The following ZFAT variants were observed in gnomAD, a reference collection of about 807,000 sequenced individuals.
ZFAT encodes zinc finger protein ZFAT.
In ZFAT, 64 loss-of-function variants were observed where a neutral mutation model predicts 117.7. The observed-to-expected ratio is 0.54, with a 90% confidence interval of 0.44 to 0.67. The LOEUF (loss-of-function observed/expected upper bound fraction) is 0.67. ZFAT is among the 30% of genes least tolerant of loss of function. ZFAT has a pLI of 0.00. For missense variants in ZFAT, 1,433 were observed against 1,584.5 expected (o/e 0.90, Z 1.62); for synonymous variants, 679 against 615.0 (o/e 1.10, Z -1.54).
intron 13 of ZFAT, among the ~76,000 whole-genome samples, chr8:134,518,490 G>T (rs13256684): frequency 0.17 from 25,617 of 151,890 alleles, 2,310 homozygotes; most frequent in Non-Finnish European, 0.19. Flanking sequence ...TTCCATCCAG[G>T]GCTAATTTTA....
At chr8:134,576,493 G>A (rs142734322) in intron 10 of ZFAT, among the ~76,000 whole-genome samples, 196 of 152,250 alleles carry the variant, frequency 1.3e-3, no homozygotes, top group Middle Eastern at 6.8e-3. Context: ...AGGAACAAAA[G>A]GGAAAAGGAT....
chr8:134,707,230 C>G (rs1360764448), intron 1 of ZFAT, among the ~76,000 whole-genome samples: 1 of 152,166 alleles, frequency 6.6e-6, no homozygotes, highest in Non-Finnish European at 1.5e-5. Context: ...TAGATGCACC[C>G]CCTCTGAAAC....
At chr8:134,631,544 T>C (rs1460202177) in intron 3 of ZFAT, among the ~76,000 whole-genome samples, 1 of 152,220 alleles carries the variant, frequency 6.6e-6, no homozygotes, top group African/African-American at 2.4e-5. Context: ...AGGGGAGTTC[T>C]TTAAGCCAAC....
At chr8:134,633,464 A>T (rs1271328483) in intron 3 of ZFAT, among the ~76,000 whole-genome samples, 2 of 152,256 alleles carry the variant, frequency 1.3e-5, no homozygotes, top group African/African-American at 4.8e-5. Context: ...GTGCTTTTTG[A>T]TCAGAGAGAA....
rs549820280 is a variant in ZFAT at position 134,657,108 on chromosome 8, A to T, written c.196+453T>A. ...GTTAGAACAACAGCTTCCTTTTATC[A>T]TGTTCTGTGTGCCAGGCATCATCTT... is the stretch of plus-strand genomic sequence containing the variant. On this transcript the variant is annotated intron_variant, in intron 2 of 15. Coordinates refer to ENST00000377838, the MANE Select transcript of ZFAT (RefSeq NM_020863.4). Among the ~76,000 whole-genome samples the T allele has an allele frequency of 2.3e-3, 352 of 152,262 alleles. 1 individual carries two copies. The highest frequency in any genetic ancestry group is 8.2e-3 in the African/African-American group (341 of 41,540).
the ZFAT span, among the ~76,000 whole-genome samples, chr8:134,762,436 C>T: frequency 6.6e-6 from 1 of 152,216 alleles, no homozygotes; most frequent in African/African-American, 2.4e-5. Flanking sequence ...CCTTAGCCTA[C>T]CTTTCAGGAG....
chr8:134,778,398 T>C, the ZFAT span, among the ~76,000 whole-genome samples: 1 of 152,220 alleles, frequency 6.6e-6, no homozygotes, highest in Non-Finnish European at 1.5e-5. Context: ...GCCGGCTATA[T>C]GAAGAGAATT....
At chr8:134,514,837 T>G (rs1214172459) in intron 13 of ZFAT, among the ~76,000 whole-genome samples, 1 of 152,206 alleles carries the variant, frequency 6.6e-6, no homozygotes, top group Non-Finnish European at 1.5e-5. Flanking sequence ...TACTCTAAGT[T>G]CTGGGGTACA....
At chr8:134,570,052 T>A (rs113182378) in intron 10 of ZFAT, among the ~76,000 whole-genome samples, 3,461 of 152,060 alleles carry the variant, frequency 0.023, 151 homozygotes, top group African/African-American at 0.079. Context: ...CCCTGTCACC[T>A]CTCAGAGCTC....
At chr8:134,721,588 C>T in the ZFAT span, among the ~76,000 whole-genome samples, 1,786 of 152,306 alleles carry the variant, frequency 0.012, 18 homozygotes, top group Middle Eastern at 0.054. Flanking sequence ...CTTCTTACAA[C>T]TCTGAGCCTC....
chr8:134,825,890 G>A, the ZFAT span, among the ~76,000 whole-genome samples: 3 of 151,916 alleles, frequency 2.0e-5, no homozygotes, highest in Admixed American at 6.6e-5. Flanking sequence ...GCGTGGTGGC[G>A]GGCGCCTGTA....
intron 11 of ZFAT, among the ~76,000 whole-genome samples, chr8:134,551,945 G>C (rs1016459508): frequency 6.6e-6 from 1 of 152,184 alleles, no homozygotes; most frequent in Non-Finnish European, 1.5e-5. Flanking sequence ...CAGTCAATCA[G>C]AGAGCTTTCT....
intron 2 of ZFAT, among the ~76,000 whole-genome samples, chr8:134,638,416 T>C (rs1320495900): frequency 6.6e-6 from 1 of 151,770 alleles, no homozygotes; most frequent in East Asian, 1.9e-4. Context: ...TTAAGAGGGG[T>C]GAGCGGGGGC....
the ZFAT span, among the ~76,000 whole-genome samples, chr8:134,810,144 T>C: frequency 9.9e-5 from 15 of 152,154 alleles, no homozygotes; most frequent in African/African-American, 3.6e-4. Context: ...GATTCATACA[T>C]ACAATAATAC....
the ZFAT span, chr8:134,784,754 A>C: frequency 6.6e-6 from 1 of 152,196 alleles, no homozygotes; most frequent in African/African-American, 2.4e-5. Context: ...TTTACTTGTC[A>C]AAATATGACC....
intron 7 of ZFAT, chr8:134,597,984 A>C (rs2130908647): frequency 6.6e-6 from 1 of 152,436 alleles, no homozygotes; most frequent in Non-Finnish European, 1.5e-5. Context: ...GCCACTTAAC[A>C]GCACAGAAAG....
intron 4 of ZFAT, among the ~76,000 whole-genome samples, chr8:134,610,037 T>G (rs1704353986): frequency 6.6e-6 from 1 of 152,092 alleles, no homozygotes; most frequent in Admixed American, 6.5e-5. Flanking sequence ...ACAAAACAGA[T>G]GGTGGGCAGA....
chr8:134,575,877 G>T (rs1442936771), intron 10 of ZFAT, among the ~76,000 whole-genome samples: 1 of 152,138 alleles, frequency 6.6e-6, no homozygotes, highest in African/African-American at 2.4e-5. Flanking sequence ...GTGGCAAATC[G>T]AACAGAAATA....
intron 5 of ZFAT, among the ~76,000 whole-genome samples, chr8:134,605,553 CAA>C (rs747188059): frequency 3.5e-4 from 31 of 89,540 alleles, no homozygotes; most frequent in Admixed American, 6.4e-4. Flanking sequence ...GACCCCATCT[CAA>C]AAAAAAAAAA....
Sources: gnomAD v4.1 joint callset for allele counts (sites outside exome capture counted in the v4.1 genomes callset) on GRCh38, gnomAD v4.1.1 for gene constraint, MANE v1.5 for transcripts, NCBI Gene and HGNC (gene_info 2026-07-23, HGNC 2026-07-21) for gene names.